Variants in TBC1D30 observed in about 807,000 individuals in gnomAD.
The protein encoded by TBC1D30 is TBC1 domain family, member 30.
In TBC1D30, 31 loss-of-function variants were observed where a neutral mutation model predicts 63.2. The ratio of observed to expected loss-of-function variants is 0.49; its 90% CI spans 0.37 to 0.66. The LOEUF (loss-of-function observed/expected upper bound fraction) is 0.66. Ranked by LOEUF, TBC1D30 falls within the 30% of genes least tolerant of loss-of-function variation. The pLI, the probability that TBC1D30 is intolerant of heterozygous loss-of-function variation, is 0.00. For synonymous variants in TBC1D30, 307 were observed against 361.5 expected, an observed-to-expected ratio of 0.85 and a Z score of 1.71; for missense variants, 810 against 953.6, an observed-to-expected ratio of 0.85 and a Z score of 1.98.
At chr12:64,850,454 A>G (rs1023294563) in intron 8 of TBC1D30, among the ~76,000 whole-genome samples, 35 of 152,326 alleles carry the variant, frequency 2.3e-4, no homozygotes, top group African/African-American at 7.5e-4. Context: ...CATTCCATCA[A>G]TACCTAGTTT....
At chr12:64,854,972 C>T (rs1175313857) in intron 8 of TBC1D30, among the ~76,000 whole-genome samples, 1 of 152,192 alleles carries the variant, frequency 6.6e-6, no homozygotes, top group South Asian at 2.1e-4. Flanking sequence ...TTTAGCATTT[C>T]TTATAGGACA....
chr12:64,761,493 G>A (rs1052113916), intron 1 of TBC1D30, among the ~76,000 whole-genome samples: 18 of 152,144 alleles, frequency 1.2e-4, no homozygotes, highest in African/African-American at 4.3e-4. Flanking sequence ...CAAGATGCAT[G>A]TCATAAAGAC....
intron 2 of TBC1D30, among the ~76,000 whole-genome samples, chr12:64,801,877 A>G (rs1041590297): frequency 7.9e-5 from 12 of 152,206 alleles, no homozygotes; most frequent in African/African-American, 2.9e-4. Flanking sequence ...TTATTTACCC[A>G]GTCTTAAATG....
At chr12:64,785,263 C>T (rs1378453406) in intron 1 of TBC1D30, among the ~76,000 whole-genome samples, 3 of 151,796 alleles carry the variant, frequency 2.0e-5, no homozygotes, top group African/African-American at 7.3e-5. Flanking sequence ...GCAATTCTGC[C>T]TCAGCTTCTG....
intron 2 of TBC1D30, among the ~76,000 whole-genome samples, chr12:64,808,808 A>C (rs796084967): frequency 9.2e-5 from 14 of 151,916 alleles, no homozygotes; most frequent in African/African-American, 3.4e-4. Flanking sequence ...TGTTTCACTT[A>C]ATATAATGTC....
At chr12:64,764,737 G>T (rs1870642487) in intron 1 of TBC1D30, among the ~76,000 whole-genome samples, 1 of 152,196 alleles carries the variant, frequency 6.6e-6, no homozygotes, top group Non-Finnish European at 1.5e-5. Context: ...TTGCAGGGAA[G>T]AATTCCAAAG....
chr12:64,836,402 A>G (rs1042321929), intron 5 of TBC1D30, 88 bp from the exon 6 acceptor site: 5 of 1,074,534 alleles, frequency 4.7e-6, no homozygotes, highest in Non-Finnish European at 6.6e-6. Context: ...ACAGCGTTTT[A>G]TCTATTTGAA....
At chr12:64,838,474 A>G (rs891449425) in intron 6 of TBC1D30, among the ~76,000 whole-genome samples, 1 of 152,220 alleles carries the variant, frequency 6.6e-6, no homozygotes. Context: ...GAAGTATTGT[A>G]AATATTTTTT....
At chr12:64,781,880 T>C (rs138390039) in intron 1 of TBC1D30, among the ~76,000 whole-genome samples, 1 of 152,082 alleles carries the variant, frequency 6.6e-6, no homozygotes, top group Non-Finnish European at 1.5e-5. Context: ...TTGTTTTCTT[T>C]TTTTCCTTCT....
At chr12:64,863,165 A>G (rs1193556117) in intron 8 of TBC1D30, among the ~76,000 whole-genome samples, 1 of 152,192 alleles carries the variant, frequency 6.6e-6, no homozygotes, top group Non-Finnish European at 1.5e-5. Context: ...TAATACAATA[A>G]AATCTACATA....
At chr12:64,787,862 C>G (rs894580348) in intron 2 of TBC1D30, among the ~76,000 whole-genome samples, 1 of 152,060 alleles carries the variant, frequency 6.6e-6, no homozygotes, top group Non-Finnish European at 1.5e-5. Flanking sequence ...ACGGTGAAAC[C>G]CCATCTCTAC....
chr12:64,875,062 CCTT>C lies in TBC1D30; in HGVS notation c.1564_1566del (p.Leu523del). On this transcript the variant is annotated inframe_deletion, in exon 12 of 12. Transcript: ENST00000539867. ...TAAACAGTTCTCCAGTTATAAACCA[CCTT>C]CTTTTAGGAAAGAAGATGAAAATGA... is the stretch of plus-strand genomic sequence containing the variant. 1 of 1,536,712 alleles carries C rather than the reference CCTT, an allele frequency of 6.5e-7. No individual in the cohort carries two copies. Among genetic ancestry groups the C allele is most frequent in the South Asian group, 1.2e-5 (1 of 84,062 alleles).
At chr12:64,797,063 A>T (rs189086895) in intron 2 of TBC1D30, among the ~76,000 whole-genome samples, 1 of 143,826 alleles carries the variant, frequency 7.0e-6, no homozygotes, top group East Asian at 2.1e-4. Context: ...AGACTATTCC[A>T]GTGTTCTTAA....
intron 2 of TBC1D30, among the ~76,000 whole-genome samples, chr12:64,805,376 TAATCATCCCTTTTAGAGG>T (rs1437751323): frequency 1.3e-5 from 2 of 152,198 alleles, no homozygotes; most frequent in African/African-American, 4.8e-5. Context: ...GTGATAATAA[TAATCATCCCTTTTAGAGG>T]AAGAGCTAAA....
At chr12:64,811,262 A>G (rs1263427026) in intron 2 of TBC1D30, among the ~76,000 whole-genome samples, 2 of 152,230 alleles carry the variant, frequency 1.3e-5, no homozygotes, top group Non-Finnish European at 2.9e-5. Context: ...TGTTCGAATC[A>G]TCTCAAAAGT....
At position 64,878,672 on chromosome 12, in the gene TBC1D30, T is replaced by C. The variant is rs1879256120; in HGVS notation, c.*2884T>C. 1 of 402,454 alleles carries C rather than the reference T, an allele frequency of 2.5e-6. No homozygotes were observed. The highest frequency in any genetic ancestry group is 5.0e-6 in the Non-Finnish European group (1 of 198,766). 24.9% of individuals were successfully genotyped at this position (402,454 alleles called of 1,614,324 possible). A position where few individuals can be genotyped will look rare whatever the true frequency, so the allele number is the denominator to read the frequency against. ...TTCTGAGTGCAAGCATGGAACACTG[T>C]TGTGACAGTCCCTTCTCCCTTCTTC... On this transcript the variant is annotated 3_prime_UTR_variant, in exon 12 of 12. Coordinates refer to ENST00000539867, the MANE Select transcript of TBC1D30 (RefSeq NM_015279.2).
intron 6 of TBC1D30, 100 bp downstream of exon 6, chr12:64,836,758 A>G: frequency 8.4e-7 from 1 of 1,196,446 alleles, no homozygotes; most frequent in Non-Finnish European, 1.1e-6. Context: ...ATTTCCAGCT[A>G]TTTTTGTAAG....
At chr12:64,865,875 G>A (rs1878169671) in intron 9 of TBC1D30, among the ~76,000 whole-genome samples, 1 of 152,174 alleles carries the variant, frequency 6.6e-6, no homozygotes, top group Non-Finnish European at 1.5e-5. Context: ...CAGTAGAGCT[G>A]TAAGAAAGCA....
At chr12:64,767,037 A>G (rs1015987117) in intron 1 of TBC1D30, among the ~76,000 whole-genome samples, 1 of 152,122 alleles carries the variant, frequency 6.6e-6, no homozygotes, top group Non-Finnish European at 1.5e-5. Context: ...TTGGGATACA[A>G]CTAACATAGA....
Sources: allele counts gnomAD v4.1 joint callset (sites outside exome capture counted in the v4.1 genomes callset), GRCh38; gene constraint gnomAD v4.1.1; transcripts MANE v1.5; gene names NCBI Gene and HGNC (gene_info 2026-07-23, HGNC 2026-07-21).